The following KIF16B variants were observed in gnomAD, a reference collection of about 807,000 sequenced individuals.
KIF16B encodes the protein kinesin family member 16B.
KIF16B carries 98 observed loss-of-function variants against 156.3 expected under a neutral mutation model. The observed-to-expected ratio is 0.63, with a 90% confidence interval of 0.53 to 0.74. The LOEUF (loss-of-function observed/expected upper bound fraction) is 0.74, where lower values mean the gene tolerates loss of function less well. Ranked by LOEUF, KIF16B falls within the 30% of genes least tolerant of loss-of-function variation. The pLI, the probability that KIF16B is intolerant of heterozygous loss-of-function variation, is 0.00. For synonymous variants in KIF16B, 564 were observed against 583.7 expected (o/e 0.97, Z 0.49); for missense variants, 1,421 against 1,606.5 (o/e 0.88, Z 1.97).
intron 24 of KIF16B, among the ~76,000 whole-genome samples, chr20:16,325,537 T>G (rs2063832008): frequency 2.2e-5 from 3 of 137,624 alleles, no homozygotes; most frequent in Admixed American, 1.5e-4. Flanking sequence ...AATCAAGAAA[T>G]CAACCCCTTT....
At position 16,309,760 on chromosome 20, in the gene KIF16B, G is replaced by C. The variant is rs1222616661; in HGVS notation, c.3795+2575C>G. ...TCAGTTGGATAACTTCTTTTAAGCA[G>C]ACATCACATTTATCAGCTAGTGCAG... On this transcript the variant is annotated intron_variant, in intron 25 of 25. Transcript: ENST00000354981. Among the ~76,000 whole-genome samples, 4 of 152,174 alleles carry C rather than the reference G, an allele frequency of 2.6e-5. No homozygotes were observed. In the East Asian group the frequency reaches 7.7e-4, roughly 29 times the overall value.
At chr20:16,410,659 A>T (rs543813378) in intron 15 of KIF16B, among the ~76,000 whole-genome samples, 2 of 152,232 alleles carry the variant, frequency 1.3e-5, no homozygotes, top group Admixed American at 1.3e-4. Context: ...TGAGCCACCC[A>T]TGTGGACAAT....
chr20:16,505,998 G>C, intron 8 of KIF16B, 24 bp downstream of exon 8: 3 of 1,612,984 alleles, frequency 1.9e-6, no homozygotes, highest in African/African-American at 2.7e-5. Context: ...AAACAGAGGA[G>C]GCAGGAGCCA....
intron 1 of KIF16B, among the ~76,000 whole-genome samples, chr20:16,549,193 C>T (rs1202875842): frequency 7.2e-6 from 1 of 138,552 alleles, no homozygotes; most frequent in East Asian, 2.4e-4. Flanking sequence ...CTCCCCCCTC[C>T]CCCTACCCCA....
intron 22 of KIF16B, chr20:16,368,132 G>A (rs761953442): frequency 6.5e-5 from 77 of 1,179,852 alleles, no homozygotes; most frequent in Non-Finnish European, 7.7e-5. Flanking sequence ...CAAGTCACAT[G>A]CCTAAGAAGG....
At chr20:16,551,692 G>C (rs1300986335) in intron 1 of KIF16B, among the ~76,000 whole-genome samples, 1 of 152,178 alleles carries the variant, frequency 6.6e-6, no homozygotes, top group Admixed American at 6.5e-5. Flanking sequence ...AAATAACCTT[G>C]TCCTTAAGCC....
At chr20:16,504,186 C>T (rs1438330911) in intron 10 of KIF16B, among the ~76,000 whole-genome samples, 186 bp downstream of exon 10, 1 of 152,100 alleles carries the variant, frequency 6.6e-6, no homozygotes, top group Admixed American at 6.5e-5. Flanking sequence ...ACACATGCAG[C>T]CCGTAATGAA....
intron 11 of KIF16B, 119 bp from the exon 12 acceptor site, chr20:16,494,469 G>A (rs573581825): frequency 1.0e-4 from 61 of 593,580 alleles, no homozygotes; most frequent in Admixed American, 3.0e-4. Context: ...ATGAGATCGC[G>A]ACTTTTACCC....
Position 16,525,674 on chromosome 20 carries a change from A to C in KIF16B, c.231+418T>G, listed in dbSNP as rs1253433484. On this transcript the variant is annotated intron_variant, in intron 3 of 25. Transcript: ENST00000354981. The stretch of plus-strand genomic sequence containing the variant: ...CTCTAAAACCTGTAATGATCCACAC[A>C]ACCTGGGAACACATGACTTGGGTTT... Among the ~76,000 whole-genome samples the C allele has an allele frequency of 2.6e-5, 4 of 152,316 alleles. No individual in the cohort carries two copies. In the East Asian group the frequency reaches 7.7e-4, roughly 29 times the overall value.
In KIF16B at chr20:16,273,194, A is replaced by C; in HGVS notation, c.*59T>G. 6.8e-7 allele frequency: 1 copy of C among 1,467,166 alleles called. No individual in the cohort carries two copies. Among genetic ancestry groups the C allele is most frequent in the Non-Finnish European group, 9.5e-7 (1 of 1,051,394 alleles). The allele number at this position is 1,467,166 out of a possible 1,614,324, so 90.9% of individuals were successfully genotyped here. ...TCCTCGCATGGGGGAGCTGCCCTGC[A>C]TCGGAGCCCGCTTCGACGAGAAGGC... On this transcript the variant is annotated 3_prime_UTR_variant, in exon 26 of 26. Transcript: ENST00000354981.
At chr20:16,529,667 C>T (rs192233695) in intron 1 of KIF16B, among the ~76,000 whole-genome samples, 277 of 152,252 alleles carry the variant, frequency 1.8e-3, no homozygotes, top group Non-Finnish European at 2.7e-3. Flanking sequence ...AAACTGTAGT[C>T]CTGGCCGAGC....
chr20:16,467,160 C>A (rs1181979144), intron 12 of KIF16B, among the ~76,000 whole-genome samples: 1 of 152,196 alleles, frequency 6.6e-6, no homozygotes, highest in Admixed American at 6.5e-5. Flanking sequence ...AACTTCAGCT[C>A]CCTGCAGCCA....
intron 22 of KIF16B, chr20:16,366,784 G>A: frequency 1.0e-6 from 1 of 1,003,920 alleles, no homozygotes; most frequent in Non-Finnish European, 1.2e-6. Context: ...TTAGCCTGCT[G>A]GAATCCAGTA....
At chr20:16,549,025 T>A (rs995191443) in intron 1 of KIF16B, among the ~76,000 whole-genome samples, 3 of 129,212 alleles carry the variant, frequency 2.3e-5, no homozygotes, top group South Asian at 2.3e-4. Context: ...TTTTTTTTTA[T>A]GTTTTTTTTT....
chr20:16,463,243 C>T (rs1005855129), intron 12 of KIF16B, among the ~76,000 whole-genome samples: 5 of 152,104 alleles, frequency 3.3e-5, no homozygotes, highest in Admixed American at 1.3e-4. Flanking sequence ...CTTGTGTGTC[C>T]ACGTCCTTGA....
chr20:16,363,120 A>C (rs1435258481), intron 22 of KIF16B, among the ~76,000 whole-genome samples: 1 of 152,194 alleles, frequency 6.6e-6, no homozygotes, highest in Non-Finnish European at 1.5e-5. Flanking sequence ...CAGATATATG[A>C]GAAGTGTCTT....
intron 24 of KIF16B, among the ~76,000 whole-genome samples, chr20:16,326,994 T>C (rs76533190): frequency 0.21 from 31,376 of 149,868 alleles, 3,415 homozygotes; most frequent in East Asian, 0.35. Flanking sequence ...TATGTGTGTA[T>C]GTGTATGTGT....
chr20:16,557,158 T>C (rs562327953), intron 1 of KIF16B, among the ~76,000 whole-genome samples: 3,662 of 147,258 alleles, frequency 0.025, 142 homozygotes, highest in African/African-American at 0.085. Context: ...TATATATATA[T>C]ACACACACAC....
intron 25 of KIF16B, among the ~76,000 whole-genome samples, chr20:16,290,185 G>A (rs943009959): frequency 3.3e-5 from 5 of 152,274 alleles, no homozygotes; most frequent in African/African-American, 1.2e-4. Context: ...CTTGCTGTGT[G>A]GTACCTCTTG....
Sources: allele counts gnomAD v4.1 joint callset (sites outside exome capture counted in the v4.1 genomes callset), GRCh38; gene constraint gnomAD v4.1.1; transcripts MANE v1.5; gene names NCBI Gene and HGNC (gene_info 2026-07-23, HGNC 2026-07-21).